Variants in ALCAM observed in about 807,000 individuals in gnomAD.
ALCAM encodes activated leukocyte cell adhesion molecule.
ALCAM carries 30 observed loss-of-function variants against 70.9 expected under a neutral mutation model. That is an observed-to-expected ratio of 0.42 (90% CI 0.32 to 0.57). The LOEUF is 0.57. Among genes scored for constraint, ALCAM ranks in the 20% least tolerant of loss-of-function variants. ALCAM has a pLI of 0.11. For synonymous variants in ALCAM, 249 were observed against 242.5 expected (o/e 1.03, Z -0.25); for missense variants, 591 against 695.1 (o/e 0.85, Z 1.68).
intron 14 of ALCAM, among the ~76,000 whole-genome samples, chr3:105,555,001 C>G (rs976214585): frequency 3.3e-5 from 5 of 151,866 alleles, no homozygotes; most frequent in African/African-American, 1.2e-4. Flanking sequence ...TGGAGCACCC[C>G]CAACATCCAG....
intron 1 of ALCAM, among the ~76,000 whole-genome samples, chr3:105,460,929 G>T (rs1195446743): frequency 6.6e-6 from 1 of 151,432 alleles, no homozygotes; most frequent in Non-Finnish European, 1.5e-5. Flanking sequence ...TAAACATCTT[G>T]AATATGAAAT....
chr3:105,377,211 G>A (rs554093748), intron 1 of ALCAM, among the ~76,000 whole-genome samples: 11 of 152,136 alleles, frequency 7.2e-5, no homozygotes, highest in African/African-American at 2.6e-4. Flanking sequence ...GGATTTTACT[G>A]TACTATCATC....
At chr3:105,471,840 C>A (rs542017602) in intron 1 of ALCAM, among the ~76,000 whole-genome samples, 149 of 151,232 alleles carry the variant, frequency 9.9e-4, no homozygotes, top group African/African-American at 3.3e-3. Flanking sequence ...TTCAAGAATA[C>A]AGTATGTCAT....
At chr3:105,375,886 G>A (rs1935363165) in intron 1 of ALCAM, among the ~76,000 whole-genome samples, 1 of 152,160 alleles carries the variant, frequency 6.6e-6, no homozygotes, top group Non-Finnish European at 1.5e-5. Flanking sequence ...TGTAGTCAAG[G>A]GTGTGACAAC....
chr3:105,430,913 A>T (rs1357068511), intron 1 of ALCAM, among the ~76,000 whole-genome samples: 1 of 152,124 alleles, frequency 6.6e-6, no homozygotes, highest in Non-Finnish European at 1.5e-5. Flanking sequence ...ATAGTCCATT[A>T]CTACTCTATT....
chr3:105,485,628 T>G (rs1158566648), intron 1 of ALCAM, among the ~76,000 whole-genome samples: 1 of 152,026 alleles, frequency 6.6e-6, no homozygotes, highest in East Asian at 1.9e-4. Flanking sequence ...TATTATCATC[T>G]GTGTTATTGT....
At chr3:105,393,956 T>A (rs1337436323) in intron 1 of ALCAM, among the ~76,000 whole-genome samples, 4 of 151,960 alleles carry the variant, frequency 2.6e-5, no homozygotes, top group Non-Finnish European at 5.9e-5. Context: ...CAAATATAGA[T>A]AATTGCAAAT....
chr3:105,542,386 A>G (rs1940137804), intron 8 of ALCAM, among the ~76,000 whole-genome samples: 1 of 151,862 alleles, frequency 6.6e-6, no homozygotes. Context: ...GTAACAGAAA[A>G]AGACACATGT....
chr3:105,502,407 C>T (rs1291342477), intron 1 of ALCAM, among the ~76,000 whole-genome samples: 1 of 152,174 alleles, frequency 6.6e-6, no homozygotes, highest in Admixed American at 6.5e-5. Flanking sequence ...GGGTGGTTAT[C>T]AGAGTCCATG....
intron 11 of ALCAM, among the ~76,000 whole-genome samples, chr3:105,547,757 G>T (rs540631455): frequency 6.6e-6 from 1 of 151,380 alleles, no homozygotes; most frequent in Non-Finnish European, 1.5e-5. Flanking sequence ...CATGGAGAAG[G>T]GAAGAACCAT....
At chr3:105,482,158 G>A (rs555215170) in intron 1 of ALCAM, among the ~76,000 whole-genome samples, 7 of 152,114 alleles carry the variant, frequency 4.6e-5, no homozygotes, top group South Asian at 2.1e-4. Flanking sequence ...TGTCGCCCAC[G>A]CTAGAATGCA....
intron 1 of ALCAM, among the ~76,000 whole-genome samples, chr3:105,376,017 C>T (rs1935366822): frequency 6.6e-6 from 1 of 152,106 alleles, no homozygotes; most frequent in Non-Finnish European, 1.5e-5. Flanking sequence ...AATACTTTCA[C>T]TTAGAGCGAA....
At chr3:105,450,987 A>C (rs1937413538) in intron 1 of ALCAM, among the ~76,000 whole-genome samples, 1 of 152,184 alleles carries the variant, frequency 6.6e-6, no homozygotes, top group Non-Finnish European at 1.5e-5. Flanking sequence ...GGAAGAGAAA[A>C]AGTACACCCA....
chr3:105,459,328 T>C (rs1363185678), intron 1 of ALCAM, among the ~76,000 whole-genome samples: 1 of 152,164 alleles, frequency 6.6e-6, no homozygotes, highest in African/African-American at 2.4e-5. Context: ...CAAATAGCCA[T>C]GTTTTCAATA....
At chr3:105,524,852 T>C in intron 3 of ALCAM, 1 of 1,019,672 alleles carries the variant, frequency 9.8e-7, no homozygotes, top group South Asian at 4.3e-5. Context: ...TACATAGATA[T>C]ATGATATATA....
chr3:105,509,390 T>C (rs1939172567), intron 1 of ALCAM, among the ~76,000 whole-genome samples: 1 of 152,106 alleles, frequency 6.6e-6, no homozygotes, highest in African/African-American at 2.4e-5. Flanking sequence ...TCTTGTTTTT[T>C]CAATAAGAAC....
chr3:105,380,278 G>A (rs1164237545), intron 1 of ALCAM, among the ~76,000 whole-genome samples: 1 of 151,672 alleles, frequency 6.6e-6, no homozygotes, highest in Non-Finnish European at 1.5e-5. Context: ...TTGTTATGAT[G>A]AAAGAAGTTG....
chr3:105,369,353 G>T (rs1935163991), intron 1 of ALCAM, among the ~76,000 whole-genome samples: 1 of 152,202 alleles, frequency 6.6e-6, no homozygotes, highest in Admixed American at 6.5e-5. Context: ...AGGCTCGTGT[G>T]TCCAGGGGGC....
intron 2 of ALCAM, 108 bp downstream of exon 2, chr3:105,520,275 T>C: frequency 2.6e-6 from 2 of 765,460 alleles, no homozygotes; most frequent in South Asian, 1.7e-5. Context: ...AATATTAAAC[T>C]GTGAGTACAA....
Sources: allele counts gnomAD v4.1 joint callset (sites outside exome capture counted in the v4.1 genomes callset), GRCh38; gene constraint gnomAD v4.1.1; transcripts MANE v1.5; gene names NCBI Gene and HGNC (gene_info 2026-07-23, HGNC 2026-07-21).